Variants in MTUS2 observed in about 807,000 individuals in gnomAD.
The protein encoded by MTUS2 is microtubule associated scaffold protein 2.
In MTUS2, 40 loss-of-function variants were observed where a neutral mutation model predicts 114.1. That is an observed-to-expected ratio of 0.35 (90% CI 0.27 to 0.46). The LOEUF (loss-of-function observed/expected upper bound fraction) is 0.46. Ranked by LOEUF, MTUS2 falls within the 20% of genes least tolerant of loss-of-function variation. The pLI, the probability that MTUS2 is intolerant of heterozygous loss-of-function variation, is 1.00. For missense variants in MTUS2, 1,679 were observed against 1,705.4 expected, an observed-to-expected ratio of 0.98 and a Z score of 0.27; for synonymous variants, 688 against 672.0, an observed-to-expected ratio of 1.02 and a Z score of -0.37.
chr13:29,400,476 A>G (rs770346999), intron 8 of MTUS2, among the ~76,000 whole-genome samples: 46 of 152,362 alleles, frequency 3.0e-4, no homozygotes, highest in South Asian at 8.3e-4. Context: ...GAAGTTCTGG[A>G]AAAGATGAGA....
chr13:28,986,735 T>C (rs1884603996), intron 2 of MTUS2, among the ~76,000 whole-genome samples: 1 of 152,234 alleles, frequency 6.6e-6, no homozygotes, highest in South Asian at 2.1e-4. Flanking sequence ...CTGTGTCTGC[T>C]GATGTGTGTT....
intron 9 of MTUS2, among the ~76,000 whole-genome samples, chr13:29,464,763 T>TA (rs1186345429): frequency 6.6e-6 from 1 of 152,178 alleles, no homozygotes; most frequent in Non-Finnish European, 1.5e-5. Flanking sequence ...ACTGTCTGCT[T>TA]ACAGCAGTGA....
At chr13:29,120,290 A>G (rs1403918106) in intron 5 of MTUS2, among the ~76,000 whole-genome samples, 1 of 152,076 alleles carries the variant, frequency 6.6e-6, no homozygotes, top group Non-Finnish European at 1.5e-5. Context: ...GTAATTCCAC[A>G]TAAGAAATTA....
intron 2 of MTUS2, among the ~76,000 whole-genome samples, chr13:28,949,697 A>C (rs988313482): frequency 3.3e-5 from 5 of 152,194 alleles, no homozygotes; most frequent in African/African-American, 1.2e-4. Flanking sequence ...ATGTAGGTAG[A>C]ATCATACAAT....
chr13:29,490,985 A>ATGTGTGTGTG (rs71090259), intron 11 of MTUS2, among the ~76,000 whole-genome samples: 6,329 of 147,928 alleles, frequency 0.043, 169 homozygotes, highest in African/African-American at 0.059. Context: ...AGAAGTGTGG[A>ATGTGTGTGTG]TGTGTGTGTG....
intron 6 of MTUS2, among the ~76,000 whole-genome samples, chr13:29,298,410 T>C (rs1038550707): frequency 1.3e-5 from 2 of 152,222 alleles, no homozygotes; most frequent in South Asian, 2.1e-4. Context: ...TAAATTGTTA[T>C]TGATTTCACA....
intron 5 of MTUS2, among the ~76,000 whole-genome samples, chr13:29,257,724 G>A (rs74876869): frequency 6.6e-6 from 1 of 152,334 alleles, no homozygotes; most frequent in East Asian, 1.9e-4. Context: ...ACATGTCAGG[G>A]ACTCTGCTGG....
intron 2 of MTUS2, among the ~76,000 whole-genome samples, chr13:28,858,838 A>G (rs1192712525): frequency 2.6e-5 from 4 of 152,134 alleles, no homozygotes; most frequent in Non-Finnish European, 1.5e-5. Context: ...GATGAAGTTC[A>G]GATAAGGGGT....
rs1177533473 is a variant in MTUS2, at chr13:29,414,747, A to G, written c.3118-25236A>G. On this transcript the variant is annotated intron_variant, in intron 8 of 15. Coordinates refer to ENST00000612955, the MANE Select transcript of MTUS2 (RefSeq NM_001033602.4). ...GTTGGTTAGCAGTTGCTATTTTGTT[A>G]ATGTTTTTCAAGTAAGTCTACTGGT... Among the ~76,000 whole-genome samples, 4 of 151,812 alleles carry G rather than the reference A, an allele frequency of 2.6e-5. No individual in the cohort carries two copies. In the East Asian group the frequency reaches 7.7e-4, roughly 29 times the overall value.
At position 29,346,712 on chromosome 13, in the gene MTUS2, A is replaced by C. The variant is rs1868730657; in HGVS notation, c.2906-12550A>C. On this transcript the variant is annotated intron_variant, in intron 7 of 15. Coordinates refer to ENST00000612955, the MANE Select transcript of MTUS2 (RefSeq NM_001033602.4). ...TCCAGGAAACTGCACAAATCGTTTC[A>C]AAGTTCAGCTGGAATTTTCCTTCTC... is the stretch of plus-strand genomic sequence containing the variant. 1.4e-5 allele frequency among the ~76,000 whole-genome samples: 2 copies of C among 144,322 alleles called. 1 individual carries two copies. Among genetic ancestry groups the C allele is most frequent in the African/African-American group, 5.8e-5 (2 of 34,638 alleles). The allele number at this position is 144,322 out of a possible 152,430, so 94.7% of individuals were successfully genotyped here.
intron 5 of MTUS2, among the ~76,000 whole-genome samples, chr13:29,170,036 A>G (rs538774382): frequency 1.2e-5 from 1 of 83,588 alleles, no homozygotes; most frequent in African/African-American, 4.4e-5. Context: ...AAATCACAGT[A>G]GTGGTTGATG....
chr13:29,184,330 C>T (rs1894131306), intron 5 of MTUS2, among the ~76,000 whole-genome samples: 1 of 152,138 alleles, frequency 6.6e-6, no homozygotes, highest in Non-Finnish European at 1.5e-5. Context: ...GTCACTGTTC[C>T]ACTGTTCTGA....
chr13:29,122,351 G>T (rs1283095439), intron 5 of MTUS2, among the ~76,000 whole-genome samples: 1 of 152,184 alleles, frequency 6.6e-6, no homozygotes, highest in Non-Finnish European at 1.5e-5. Flanking sequence ...AGTTCCACGT[G>T]GCTGGAGAGG....
chr13:29,471,203 C>T (rs910677110), intron 9 of MTUS2, among the ~76,000 whole-genome samples: 2 of 151,996 alleles, frequency 1.3e-5, no homozygotes, highest in African/African-American at 2.4e-5. Context: ...ATTAGCTGGG[C>T]TTGGTGGCGC....
chr13:29,471,167 A>AC (rs1354230871), intron 9 of MTUS2, among the ~76,000 whole-genome samples: 2 of 151,622 alleles, frequency 1.3e-5, no homozygotes, highest in Admixed American at 1.3e-4. Context: ...ACATGGTGAA[A>AC]CCCCATCTCT....
chr13:29,400,895 C>T (rs1443644823), intron 8 of MTUS2, among the ~76,000 whole-genome samples: 1 of 152,222 alleles, frequency 6.6e-6, no homozygotes, highest in Non-Finnish European at 1.5e-5. Flanking sequence ...TTCTTTCCTC[C>T]TCAGATTGTT....
At chr13:29,435,000 G>GAGT (rs1877301026) in intron 8 of MTUS2, among the ~76,000 whole-genome samples, 1 of 152,246 alleles carries the variant, frequency 6.6e-6, no homozygotes, top group African/African-American at 2.4e-5. Flanking sequence ...GATGTACAGG[G>GAGT]AGTGAGTTGG....
At chr13:29,029,565 A>G (rs754332055) in intron 3 of MTUS2, among the ~76,000 whole-genome samples, 1 of 152,220 alleles carries the variant, frequency 6.6e-6, no homozygotes, top group Non-Finnish European at 1.5e-5. Flanking sequence ...GAGACCTGTC[A>G]GTCCATTTGT....
intron 1 of MTUS2, among the ~76,000 whole-genome samples, chr13:28,827,219 G>T (rs1191845004): frequency 6.6e-6 from 1 of 152,152 alleles, no homozygotes; most frequent in Non-Finnish European, 1.5e-5. Context: ...TTCCATTAGT[G>T]TTACATGGTA....
Sources: allele counts gnomAD v4.1 joint callset (sites outside exome capture counted in the v4.1 genomes callset), GRCh38; gene constraint gnomAD v4.1.1; transcripts MANE v1.5; gene names NCBI Gene and HGNC (gene_info 2026-07-23, HGNC 2026-07-21).